Variants in CNTNAP2 observed in about 807,000 individuals in gnomAD.
CNTNAP2 encodes the protein contactin associated protein 2.
A neutral mutation model predicts 155.2 loss-of-function variants in CNTNAP2; 98 were observed. That is an observed-to-expected ratio of 0.63 (90% CI 0.54 to 0.75). The LOEUF (loss-of-function observed/expected upper bound fraction) is 0.75. Ranked by LOEUF, CNTNAP2 falls within the 30% of genes least tolerant of loss-of-function variation. CNTNAP2 has a pLI of 0.00. For synonymous variants in CNTNAP2, 651 were observed against 631.2 expected (o/e 1.03, Z -0.47); for missense variants, 1,727 against 1,688.1 (o/e 1.02, Z -0.40).
At position 148,416,494 on chromosome 7, in the gene CNTNAP2, G is replaced by A. The variant is rs190629340; in HGVS notation, c.*878G>A. 2 of 147,636 alleles carry A rather than the reference G, an allele frequency of 1.4e-5. No homozygotes were observed. Among genetic ancestry groups the A allele is most frequent in the Admixed American group, 1.4e-4 (2 of 14,340 alleles). The allele number at this position is 147,636 out of a possible 1,614,324, so 9.1% of individuals were successfully genotyped here. A position where few individuals can be genotyped will look rare whatever the true frequency, so the allele number is the denominator to read the frequency against. ...GTATAAGCGCCTCAATGGGGAATTA[G>A]AGCCAGATGTTATGATTTGTTTGCT... On this transcript the variant is annotated 3_prime_UTR_variant, in exon 24 of 24. Coordinates refer to ENST00000361727, the MANE Select transcript of CNTNAP2 (RefSeq NM_014141.6).
At chr7:148,166,729 C>T (rs879663980) in intron 17 of CNTNAP2, among the ~76,000 whole-genome samples, 1 of 152,158 alleles carries the variant, frequency 6.6e-6, no homozygotes, top group Non-Finnish European at 1.5e-5. Context: ...GACTAATGTG[C>T]GTGAAGCCCT....
intron 20 of CNTNAP2, among the ~76,000 whole-genome samples, chr7:148,237,199 G>A (rs1156374805): frequency 2.0e-5 from 3 of 152,082 alleles, no homozygotes; most frequent in South Asian, 4.1e-4. Flanking sequence ...GGTTGTATTC[G>A]CTGCTATAAC....
intron 3 of CNTNAP2, among the ~76,000 whole-genome samples, chr7:146,981,743 G>A (rs771458916): frequency 9.2e-5 from 14 of 152,138 alleles, no homozygotes; most frequent in Non-Finnish European, 1.8e-4. Flanking sequence ...AATAACTTTG[G>A]AGGAGGAAGG....
intron 1 of CNTNAP2, among the ~76,000 whole-genome samples, chr7:146,252,499 CGGAAA>C (rs1799771312): frequency 6.6e-6 from 1 of 152,046 alleles, no homozygotes; most frequent in Non-Finnish European, 1.5e-5. Context: ...ACTCTGTTTT[CGGAAA>C]TACCTGTAGT....
intron 11 of CNTNAP2, among the ~76,000 whole-genome samples, chr7:147,487,127 T>C (rs1798523920): frequency 6.6e-6 from 1 of 152,178 alleles, no homozygotes; most frequent in African/African-American, 2.4e-5. Flanking sequence ...TTATTTGTAG[T>C]AATGTGCAAG....
intron 1 of CNTNAP2, among the ~76,000 whole-genome samples, chr7:146,385,043 GTCAA>G (rs1258732636): frequency 6.6e-6 from 1 of 152,138 alleles, no homozygotes; most frequent in East Asian, 1.9e-4. Context: ...ACTATACATT[GTCAA>G]TCAAAGTGGC....
At chr7:147,116,794 C>G (rs1454066484) in intron 5 of CNTNAP2, among the ~76,000 whole-genome samples, 3 of 152,152 alleles carry the variant, frequency 2.0e-5, no homozygotes, top group Non-Finnish European at 2.9e-5. Flanking sequence ...GGAGGTCCCA[C>G]CCAGTAGGAA....
At chr7:147,885,037 A>G (rs1240304786) in intron 13 of CNTNAP2, among the ~76,000 whole-genome samples, 1 of 152,244 alleles carries the variant, frequency 6.6e-6, no homozygotes, top group African/African-American at 2.4e-5. Flanking sequence ...GTAACACATG[A>G]CTGTCTGGAG....
chr7:148,187,412 T>C (rs888035074), intron 18 of CNTNAP2, among the ~76,000 whole-genome samples: 5 of 152,200 alleles, frequency 3.3e-5, no homozygotes, highest in African/African-American at 1.2e-4. Flanking sequence ...CCATGCCCTG[T>C]AAGTTTTCTT....
At chr7:147,159,933 C>T (rs1035637840) in intron 8 of CNTNAP2, among the ~76,000 whole-genome samples, 1 of 148,052 alleles carries the variant, frequency 6.8e-6, no homozygotes, top group Non-Finnish European at 1.5e-5. Flanking sequence ...TGATATGAAT[C>T]AAAGTTTTTT....
chr7:148,031,332 A>G (rs1802472991), intron 15 of CNTNAP2, among the ~76,000 whole-genome samples: 1 of 152,242 alleles, frequency 6.6e-6, no homozygotes, highest in African/African-American at 2.4e-5. Context: ...AAGAGAAGTC[A>G]AAGGCCTAGA....
chr7:146,850,175 C>G (rs776720761), intron 3 of CNTNAP2, among the ~76,000 whole-genome samples: 2 of 152,168 alleles, frequency 1.3e-5, no homozygotes, highest in Non-Finnish European at 2.9e-5. Context: ...GGTTCATTCA[C>G]CATCTATGCC....
intron 14 of CNTNAP2, among the ~76,000 whole-genome samples, chr7:147,947,454 CAAAAAAAAA>C (rs10708483): frequency 9.7e-4 from 78 of 80,284 alleles, no homozygotes; most frequent in Admixed American, 7.7e-3. Context: ...CCTGTCTCTA[CAAAAAAAAA>C]AAAAAAAAAA....
chr7:148,325,652 G>A lies in CNTNAP2; in HGVS notation c.3476-57997G>A, dbSNP rs541303607. ...AAACCAATAGATTTATTTTTAGGTA[G>A]TATCATGTAAACATAGAACTTTTTA... On this transcript the variant is annotated intron_variant, in intron 21 of 23. Coordinates refer to ENST00000361727, the MANE Select transcript of CNTNAP2 (RefSeq NM_014141.6). Among the ~76,000 whole-genome samples the A allele has an allele frequency of 3.9e-5, 6 of 152,316 alleles. No homozygotes were observed. In the South Asian group the frequency reaches 1.2e-3, roughly 32 times the overall value.
chr7:146,661,245 T>A (rs575129740), intron 1 of CNTNAP2, among the ~76,000 whole-genome samples: 1 of 152,276 alleles, frequency 6.6e-6, no homozygotes, highest in South Asian at 2.1e-4. Flanking sequence ...GAAACCACAC[T>A]TTCACTAATT....
chr7:148,012,410 G>T (rs1265356422), intron 15 of CNTNAP2, among the ~76,000 whole-genome samples: 1 of 152,208 alleles, frequency 6.6e-6, no homozygotes, highest in Non-Finnish European at 1.5e-5. Flanking sequence ...GGGAGATGGA[G>T]AAATGGAACA....
intron 13 of CNTNAP2, among the ~76,000 whole-genome samples, chr7:147,877,028 C>T (rs899599386): frequency 8.6e-5 from 13 of 152,028 alleles, no homozygotes; most frequent in African/African-American, 3.1e-4. Context: ...CCACGTGGGG[C>T]TGTTTGTCAT....
intron 8 of CNTNAP2, among the ~76,000 whole-genome samples, chr7:147,291,340 G>C (rs1422541398): frequency 6.6e-6 from 1 of 151,674 alleles, no homozygotes; most frequent in African/African-American, 2.4e-5. Flanking sequence ...TCCACAACAG[G>C]CCCCGGTGTG....
Position 147,386,430 on chromosome 7 carries a change from C to T in CNTNAP2, c.1499-9179C>T, listed in dbSNP as rs1191704959. Among the ~76,000 whole-genome samples the T allele has an allele frequency of 7.2e-5, 11 of 152,168 alleles. 1 individual carries two copies. The highest frequency in any genetic ancestry group is 7.3e-5 in the Non-Finnish European group (5 of 68,044). On this transcript the variant is annotated intron_variant, in intron 9 of 23. Transcript: ENST00000361727. ...AAAGCTGAATGCCTTTAACAGCACG[C>T]ATTCACCCCTCAAATGCTTTTCTGC...
Sources: allele counts gnomAD v4.1 joint callset (sites outside exome capture counted in the v4.1 genomes callset), GRCh38; gene constraint gnomAD v4.1.1; transcripts MANE v1.5; gene names NCBI Gene and HGNC (gene_info 2026-07-23, HGNC 2026-07-21).